The following BEAN1 variants were observed in gnomAD, a reference collection of about 807,000 sequenced individuals.
The protein encoded by BEAN1 is protein BEAN1.
A neutral mutation model predicts 17.7 loss-of-function variants in BEAN1; 17 were observed. The observed-to-expected ratio is 0.96, with a 90% CI of 0.66 to 1.44. BEAN1 has a LOEUF of 1.44. Among genes scored for constraint, BEAN1 ranks in the 40% most tolerant of loss-of-function variants. The probability of loss-of-function intolerance (pLI) is 0.00; values close to 1 mark genes in which losing one functional copy is unlikely to be tolerated. For synonymous variants in BEAN1, 142 were observed against 151.8 expected, an observed-to-expected ratio of 0.94 and a Z score of 0.47; for missense variants, 359 against 374.1, an observed-to-expected ratio of 0.96 and a Z score of 0.33.
chr16:66,465,371 G>T (rs1376340426), intron 2 of BEAN1, among the ~76,000 whole-genome samples: 4 of 152,082 alleles, frequency 2.6e-5, no homozygotes, highest in Non-Finnish European at 5.9e-5. Context: ...TAATGTCTTT[G>T]TCTAGTTTTG....
chr16:66,487,854 G>T (rs1228345136), intron 4 of BEAN1, among the ~76,000 whole-genome samples: 1 of 152,168 alleles, frequency 6.6e-6, no homozygotes, highest in South Asian at 2.1e-4. Context: ...CTCCCTGCCT[G>T]CACTGTTCCC....
rs540450174 is a variant in BEAN1 at position 66,464,925 on chromosome 16, G to A, written c.26-4677G>A. ...CTAAATTGCCCTGGCTAGAATCTCC[G>A]ATATAATGTTGAATAGAAGTACCAA... is the stretch of plus-strand genomic sequence containing the variant. On this transcript the variant is annotated intron_variant, in intron 2 of 4. Transcript: ENST00000536005. 2.4e-3 allele frequency among the ~76,000 whole-genome samples: 369 copies of A among 152,184 alleles called. 4 individuals are homozygous for A. In the South Asian group the frequency reaches 0.036, roughly 15 times the overall value.
intron 2 of BEAN1, among the ~76,000 whole-genome samples, chr16:66,442,606 T>C (rs1567486072): frequency 6.6e-6 from 1 of 152,162 alleles, no homozygotes; most frequent in South Asian, 2.1e-4. Flanking sequence ...TGGTATGATA[T>C]ACAGTGTGTG....
chr16:66,489,530 C>T, intron 4 of BEAN1, among the ~76,000 whole-genome samples: 1 of 152,266 alleles, frequency 6.6e-6, no homozygotes, highest in African/African-American at 2.4e-5. Context: ...TTCTGATGTT[C>T]AGGATCAGAT....
At chr16:66,474,578 G>GGAAAT (rs1963627318) in intron 3 of BEAN1, among the ~76,000 whole-genome samples, 1 of 52,452 alleles carries the variant, frequency 1.9e-5, no homozygotes, top group Non-Finnish European at 3.4e-5. Context: ...GAGAGGGAGG[G>GGAAAT]AGAGAGGGAG....
intron 4 of BEAN1, among the ~76,000 whole-genome samples, chr16:66,479,699 C>T (rs1597049033): frequency 6.6e-6 from 1 of 152,236 alleles, no homozygotes; most frequent in South Asian, 2.1e-4. Flanking sequence ...AAGACGGGTT[C>T]CTCTCAGAGA....
At chr16:66,447,689 A>G (rs958156220) in intron 2 of BEAN1, among the ~76,000 whole-genome samples, 8 of 152,120 alleles carry the variant, frequency 5.3e-5, no homozygotes, top group Non-Finnish European at 1.0e-4. Context: ...CCCATCACCA[A>G]CACCTGATGG....
At chr16:66,440,215 C>T (rs1023730307) in intron 2 of BEAN1, among the ~76,000 whole-genome samples, 1 of 151,330 alleles carries the variant, frequency 6.6e-6, no homozygotes, top group Admixed American at 6.6e-5. Flanking sequence ...CTGCAGGCTC[C>T]GCCTCCCAGG....
chr16:66,442,868 A>G (rs1255982865), intron 2 of BEAN1, among the ~76,000 whole-genome samples: 1 of 152,184 alleles, frequency 6.6e-6, no homozygotes, highest in East Asian at 1.9e-4. Flanking sequence ...AGGGGGAAAT[A>G]GAGAGAGATA....
chr16:66,474,598 G>A (rs1455386987), intron 3 of BEAN1, among the ~76,000 whole-genome samples: 217 of 18,442 alleles, frequency 0.012, 10 homozygotes, highest in African/African-American at 0.05. Context: ...GGGAGGGAGG[G>A]AGGGAGAGAG....
In BEAN1 at chr16:66,480,717, GC is replaced by G. The variant is rs759655117; in HGVS notation, c.574del (p.Arg192AspfsTer87). 2 of 1,551,650 alleles carry G rather than the reference GC, an allele frequency of 1.3e-6. No individual in the cohort carries two copies. The highest frequency in any genetic ancestry group is 2.4e-5 in the South Asian group (2 of 84,052). On this transcript the variant is annotated frameshift_variant, in exon 5 of 5. Transcript: ENST00000536005. LOFTEE classifies it low-confidence loss of function (END_TRUNC). ...TSDSGSGHSP[G>X]RHQQEQRTPA... ...GACTCAGGCAGCGGCCACAGCCCTGGCCGACACCAGCAGGAGCAGAGGACCC... is the reference window on the plus strand; with the variant it reads ...GACTCAGGCAGCGGCCACAGCCCTGGCGACACCAGCAGGAGCAGAGGACCC...
chr16:66,436,322 C>T (rs1258683491), intron 1 of BEAN1, among the ~76,000 whole-genome samples: 1 of 141,926 alleles, frequency 7.0e-6, no homozygotes, highest in Non-Finnish European at 1.5e-5. Flanking sequence ...GGCTGGAGTG[C>T]AGTGGCATGA....
At chr16:66,480,361 C>A (rs915993207) in intron 4 of BEAN1, among the ~76,000 whole-genome samples, 1 of 152,146 alleles carries the variant, frequency 6.6e-6, no homozygotes, top group Non-Finnish European at 1.5e-5. Context: ...TGAGCTCACA[C>A]CGCATATGAG....
intron 2 of BEAN1, among the ~76,000 whole-genome samples, chr16:66,441,147 C>G (rs3891911): frequency 0.69 from 104,397 of 152,166 alleles, 36,301 homozygotes; most frequent in African/African-American, 0.78. Flanking sequence ...TTCGCCCGCA[C>G]CACCGTGCTC....
At chr16:66,432,220 C>G (rs1003998079) in intron 1 of BEAN1, among the ~76,000 whole-genome samples, 3 of 152,204 alleles carry the variant, frequency 2.0e-5, no homozygotes, top group Non-Finnish European at 2.9e-5. Flanking sequence ...CATTACTTTT[C>G]TCCCCCACTC....
At chr16:66,457,515 CT>C (rs760491315) in intron 2 of BEAN1, among the ~76,000 whole-genome samples, 5 of 152,184 alleles carry the variant, frequency 3.3e-5, no homozygotes, top group Non-Finnish European at 7.4e-5. Flanking sequence ...AAAAAGTAGT[CT>C]GAACACCAAG....
Position 66,481,951 on chromosome 16 carries a change from GGC to G in BEAN1, c.*1027_*1028del, listed in dbSNP as rs1964000671. The G allele has an allele frequency of 6.6e-6, 1 of 152,586 alleles. No individual in the cohort carries two copies. Among genetic ancestry groups the G allele is most frequent in the Non-Finnish European group, 1.5e-5 (1 of 68,316 alleles). 9.5% of individuals were successfully genotyped at this position (152,586 alleles called of 1,614,324 possible). A position where few individuals can be genotyped will look rare whatever the true frequency, so the allele number is the denominator to read the frequency against. Reference sequence around the variant, plus strand: ...TGGGGATGGTGAGTGGCTGTGTTCTGGCCTTGCCCACGTGGGTGTTTGCAGAG... The same window carrying G: ...TGGGGATGGTGAGTGGCTGTGTTCTGCTTGCCCACGTGGGTGTTTGCAGAG... On this transcript the variant is annotated 3_prime_UTR_variant, in exon 5 of 5. Coordinates refer to ENST00000536005, the MANE Select transcript of BEAN1 (RefSeq NM_001178020.3). This position sits in a 1 kb window ranked among gnomAD's most constrained non-coding sequence, Gnocchi z 4.1.
At chr16:66,457,652 A>G (rs938346184) in intron 2 of BEAN1, among the ~76,000 whole-genome samples, 1 of 151,952 alleles carries the variant, frequency 6.6e-6, no homozygotes, top group Non-Finnish European at 1.5e-5. Flanking sequence ...TGCTTAGTTC[A>G]TCTTTCGAGA....
At chr16:66,450,228 G>T (rs1457792508) in intron 2 of BEAN1, among the ~76,000 whole-genome samples, 1 of 152,202 alleles carries the variant, frequency 6.6e-6, no homozygotes, top group Non-Finnish European at 1.5e-5. Context: ...TATTACGAGA[G>T]CCGTGGGGAT....
Sources: gnomAD v4.1 joint callset for allele counts (sites outside exome capture counted in the v4.1 genomes callset) on GRCh38, gnomAD v4.1.1 for gene constraint, Gnocchi (gnomAD v3.1) non-coding constraint, MANE v1.5 for transcripts, NCBI Gene and HGNC (gene_info 2026-07-23, HGNC 2026-07-21) for gene names.